Variants in PARP4 observed in about 807,000 individuals in gnomAD.
The protein encoded by PARP4 is protein mono-ADP-ribosyltransferase PARP4.
In PARP4, 120 loss-of-function variants were observed where a neutral mutation model predicts 187.7. The ratio of observed to expected loss-of-function variants is 0.64; its 90% confidence interval spans 0.55 to 0.74. The LOEUF is 0.74. Among genes scored for constraint, PARP4 ranks in the 30% least tolerant of loss-of-function variants. The pLI, the probability that PARP4 is intolerant of heterozygous loss-of-function variation, is 0.00. For synonymous variants in PARP4, 654 were observed against 740.9 expected, an observed-to-expected ratio of 0.88 and a Z score of 1.90; for missense variants, 1,836 against 2,070.5, an observed-to-expected ratio of 0.89 and a Z score of 2.20.
At chr13:24,456,574 T>C in intron 20 of PARP4, 96 bp from the exon 21 acceptor site, 1 of 1,089,830 alleles carries the variant, frequency 9.2e-7, no homozygotes, top group Non-Finnish European at 1.3e-6. Context: ...CTTGCATAGC[T>C]TACATAACTC....
chr13:24,493,680 A>T lies in PARP4; in HGVS notation c.795T>A (p.Asp265Glu). ...CCTCTGCCCAAATCATCTCTACTAAATCGCTCACCTCTTGGCTCAGAGTGC... is the reference window on the plus strand; with the variant it reads ...CCTCTGCCCAAATCATCTCTACTAATTCGCTCACCTCTTGGCTCAGAGTGC... ...NSSTLSQEVSDLVEMIWAEAL... is the reference protein window; with the variant it reads ...NSSTLSQEVSELVEMIWAEAL... The change falls in exon 8 of 34, where the codon GAT (aspartate) becomes GAA (glutamate). Residue 265 changes from aspartate (D) to glutamate (E), a missense_variant. Physicochemically the swap from Asp to Glu is conservative, Grantham distance 45. Transcript: ENST00000381989. 1 of 1,613,966 alleles carries T rather than the reference A, an allele frequency of 6.2e-7. No homozygotes were observed. Among genetic ancestry groups the T allele is most frequent in the Non-Finnish European group, 8.5e-7 (1 of 1,179,932 alleles).
chr13:24,451,592 C>A (rs746933119), intron 24 of PARP4, among the ~76,000 whole-genome samples: 1 of 152,048 alleles, frequency 6.6e-6, no homozygotes, highest in Non-Finnish European at 1.5e-5. Context: ...AGCAAAGAGG[C>A]CCCCATTCTG....
intron 12 of PARP4, among the ~76,000 whole-genome samples, chr13:24,479,303 C>T (rs1873142852): frequency 6.6e-6 from 1 of 152,150 alleles, no homozygotes; most frequent in Admixed American, 6.5e-5. Context: ...ATCCTCTCCC[C>T]TTTGGAGGGC....
intron 12 of PARP4, among the ~76,000 whole-genome samples, chr13:24,482,000 G>C (rs1230845361): frequency 1.3e-5 from 2 of 152,220 alleles, no homozygotes; most frequent in African/African-American, 2.4e-5. Context: ...AGCATTTGAT[G>C]AATTATGGGA....
chr13:24,503,207 G>A (rs2137546513), intron 2 of PARP4, among the ~76,000 whole-genome samples: 1 of 152,330 alleles, frequency 6.6e-6, no homozygotes. Flanking sequence ...ACACTGCGAA[G>A]ATGAGTCTGC....
intron 7 of PARP4, 42 bp downstream of exon 7, chr13:24,494,531 A>ATTCT: frequency 1.9e-6 from 3 of 1,538,562 alleles, no homozygotes; most frequent in Non-Finnish European, 1.8e-6. Flanking sequence ...TTTCTATTAA[A>ATTCT]AATATTCAAT....
In PARP4 at chr13:24,470,006, T is replaced by C. The variant is rs376787371; in HGVS notation, c.1934A>G (p.Tyr645Cys). ...AATGGGCACGTGACTTTTATTTGTG[T>C]ATGTCTGAAAAACAATGACCTGAAG... ...TVAQVIVFQT[Y>C]TNKSHVPIEA... The change falls in exon 16 of 34, where the codon TAC (tyrosine) becomes TGC (cysteine). Residue 645 changes from tyrosine (Y) to cysteine (C), a missense_variant. This residue lies in a region of PARP4 where 1,147 missense variants were observed against 1,214.2 expected (regional missense o/e 0.94). Coordinates refer to ENST00000381989, the MANE Select transcript of PARP4 (RefSeq NM_006437.4). The C allele has an allele frequency of 7.4e-6, 12 of 1,613,462 alleles. No individual in the cohort carries two copies. The African/African-American group carries it at 1.6e-4, about 22-fold the overall frequency.
At chr13:24,436,803 C>G (rs750029914) in intron 30 of PARP4, among the ~76,000 whole-genome samples, 1 of 151,998 alleles carries the variant, frequency 6.6e-6, no homozygotes. Context: ...AAATAATTAG[C>G]CTGTAATTTT....
intron 12 of PARP4, among the ~76,000 whole-genome samples, chr13:24,478,831 G>A (rs1873119316): frequency 6.6e-6 from 1 of 152,138 alleles, no homozygotes; most frequent in South Asian, 2.1e-4. Context: ...GAATTCTACT[G>A]TTCTCCTAAA....
Position 24,435,331 on chromosome 13 carries a change from T to TGGTA in PARP4, c.3806_3809dup (p.Ala1271ThrfsTer25), listed in dbSNP as rs755943158. On this transcript the variant is annotated frameshift_variant, in exon 31 of 34. Coordinates refer to ENST00000381989, the MANE Select transcript of PARP4 (RefSeq NM_006437.4). LOFTEE classifies it high-confidence loss of function. ...CACGTTCCAAATTTGATGTGAAAGC[T>TGGTA]GGTAGTACACCTAAGCCATCCTCTT... is the stretch of plus-strand genomic sequence containing the variant. 1.2e-6 allele frequency: 2 copies of TGGTA among 1,612,640 alleles called. No individual in the cohort carries two copies. Among genetic ancestry groups the TGGTA allele is most frequent in the South Asian group, 2.2e-5 (2 of 91,024 alleles).
Position 24,469,050 on chromosome 13 carries a change from C to G in PARP4, c.2107G>C (p.Ala703Pro), listed in dbSNP as rs201446812. The change falls in exon 17 of 34, where the codon GCT becomes CCT. Residue 703 changes from alanine (A) to proline (P), a missense_variant. This residue lies in a region of PARP4 where 1,147 missense variants were observed against 1,214.2 expected (regional missense o/e 0.94). Transcript: ENST00000381989. ...GGAGCATCCTGACTCATCAGGTAAGCGCCATGGCCCTGGGTCACGGCTTCT... is the reference window on the plus strand; with the variant it reads ...GGAGCATCCTGACTCATCAGGTAAGGGCCATGGCCCTGGGTCACGGCTTCT... ...YLEAVTQGHG[A>P]YLMSQDAPDV... The G allele has an allele frequency of 6.2e-7, 1 of 1,613,680 alleles. No individual in the cohort carries two copies. The highest frequency in any genetic ancestry group is 2.2e-5 in the East Asian group (1 of 44,882).
At position 24,434,442 on chromosome 13, in the gene PARP4, A is replaced by C. The variant is rs767528636; in HGVS notation, c.4699T>G (p.Trp1567Gly). 7.5e-6 allele frequency: 12 copies of C among 1,596,842 alleles called. No individual in the cohort carries two copies. The highest frequency in any genetic ancestry group is 1.0e-5 in the Non-Finnish European group (12 of 1,168,700). ...TCTGTCCAAGGCACAGCATCCTGCC[A>C]GTGTTGTATGCACACTATTTCATCC... ...EEDEIVCIQHWQDAVPWTELL... is the reference protein window; with the variant it reads ...EEDEIVCIQHGQDAVPWTELL... The change falls in exon 31 of 34, where the codon TGG (tryptophan) becomes GGG (glycine). Residue 1567 changes from tryptophan to glycine, a missense_variant. Physicochemically the swap from Trp to Gly is radical, Grantham distance 184 (BLOSUM62 -2). Transcript: ENST00000381989.
At chr13:24,495,665 G>A (rs1436588696) in intron 6 of PARP4, among the ~76,000 whole-genome samples, 4 of 152,174 alleles carry the variant, frequency 2.6e-5, no homozygotes, top group Non-Finnish European at 5.9e-5. Context: ...CCTTGTAGGT[G>A]TTGGTTGAGC....
chr13:24,470,846 A>G (rs1409651318), intron 15 of PARP4, among the ~76,000 whole-genome samples: 1 of 150,722 alleles, frequency 6.6e-6, no homozygotes, highest in Non-Finnish European at 1.5e-5. Flanking sequence ...GCCAGGCAAA[A>G]TTTTTCAAGG....
chr13:24,502,640 T>C (rs1182784511), intron 2 of PARP4, among the ~76,000 whole-genome samples: 1 of 152,256 alleles, frequency 6.6e-6, no homozygotes, highest in Non-Finnish European at 1.5e-5. Context: ...CACATGTTTA[T>C]GTACATTGAC....
At chr13:24,439,474 T>A (rs1870805667) in intron 30 of PARP4, among the ~76,000 whole-genome samples, 1 of 140,898 alleles carries the variant, frequency 7.1e-6, no homozygotes, top group Non-Finnish European at 1.5e-5. Flanking sequence ...CCTCCAGACC[T>A]TTTCTGTGAA....
chr13:24,494,098 A>G (rs1868812430), intron 7 of PARP4, among the ~76,000 whole-genome samples: 1 of 152,180 alleles, frequency 6.6e-6, no homozygotes, highest in Non-Finnish European at 1.5e-5. Flanking sequence ...AATAAGCAAT[A>G]CATCTCCTGT....
chr13:24,448,456 G>GAAAAAA (rs35479674), intron 25 of PARP4, among the ~76,000 whole-genome samples: 4 of 148,548 alleles, frequency 2.7e-5, no homozygotes. Context: ...AATCAATAAG[G>GAAAAAA]AAAAAAAAAA....
intron 18 of PARP4, among the ~76,000 whole-genome samples, chr13:24,459,715 T>A (rs914399062): frequency 6.6e-6 from 1 of 152,230 alleles, no homozygotes; most frequent in Non-Finnish European, 1.5e-5. Flanking sequence ...TAGTTCTTCA[T>A]GATGAACTTG....
Sources: gnomAD v4.1 joint callset for allele counts (sites outside exome capture counted in the v4.1 genomes callset) on GRCh38, gnomAD v4.1.1 for gene constraint, gnomAD v4.1.1 regional missense constraint, MANE v1.5 for transcripts, NCBI Gene and HGNC (gene_info 2026-07-23, HGNC 2026-07-21) for gene names.